Variants in LHX8 observed in about 807,000 individuals in gnomAD.
The protein encoded by LHX8 is LIM/homeobox protein Lhx8.
A neutral mutation model predicts 40.3 loss-of-function variants in LHX8; 12 were observed. The ratio of observed to expected loss-of-function variants is 0.30; its 90% confidence interval spans 0.19 to 0.48. The LOEUF (loss-of-function observed/expected upper bound fraction) is 0.48, where lower values mean the gene tolerates loss of function less well. Among genes scored for constraint, LHX8 ranks in the 20% least tolerant of loss-of-function variants. The pLI is 0.99. For synonymous variants in LHX8, 179 were observed against 162.0 expected (o/e 1.10, Z -0.80); for missense variants, 344 against 433.7 (o/e 0.79, Z 1.84).
chr1:75,173,583 C>T, the LHX8 span, among the ~76,000 whole-genome samples: 126 of 151,794 alleles, frequency 8.3e-4, no homozygotes, highest in African/African-American at 2.4e-3. Context: ...GGGATTTCAC[C>T]GTGTTAGCCA....
At chr1:75,170,407 AC>A in the LHX8 span, among the ~76,000 whole-genome samples, 2 of 152,144 alleles carry the variant, frequency 1.3e-5, no homozygotes, top group Non-Finnish European at 2.9e-5. Flanking sequence ...AAAAGCAAAA[AC>A]AAACACAAAG....
chr1:75,148,192 A>G (rs1010555785), intron 6 of LHX8, among the ~76,000 whole-genome samples: 1 of 152,174 alleles, frequency 6.6e-6, no homozygotes, highest in Non-Finnish European at 1.5e-5. Context: ...TTAGCTCAGG[A>G]AAGGTTGGAG....
upstream of LHX8, chr1:75,131,187 G>C (rs1647950417): frequency 4.4e-6 from 1 of 225,276 alleles, no homozygotes; most frequent in Non-Finnish European, 9.1e-6. Flanking sequence ...ATCTCCACAG[G>C]TCTGACCCAG....
At chr1:75,154,200 A>G (rs1346789363) in intron 7 of LHX8, among the ~76,000 whole-genome samples, 2 of 152,314 alleles carry the variant, frequency 1.3e-5, no homozygotes, top group African/African-American at 2.4e-5. Flanking sequence ...CATTCATGCC[A>G]GAAGGAATTT....
chr1:75,176,037 T>C, the LHX8 span, among the ~76,000 whole-genome samples: 2 of 152,220 alleles, frequency 1.3e-5, no homozygotes, highest in African/African-American at 4.8e-5. Context: ...TTCCATGGTG[T>C]ATATGTGCCA....
chr1:75,160,768 A>C (rs1648896117), intron 8 of LHX8, 51 bp from the exon 9 acceptor site: 1 of 1,173,564 alleles, frequency 8.5e-7, no homozygotes, highest in Non-Finnish European at 1.3e-6. Context: ...TTTATAAATC[A>C]GTTTTATGCA....
At chr1:75,153,324 C>G (rs1303438700) in intron 7 of LHX8, among the ~76,000 whole-genome samples, 1 of 152,090 alleles carries the variant, frequency 6.6e-6, no homozygotes, top group Non-Finnish European at 1.5e-5. Flanking sequence ...CCAGGCTGGT[C>G]TCGACTCCTG....
intron 3 of LHX8, among the ~76,000 whole-genome samples, chr1:75,139,884 G>T (rs1007852529): frequency 2.9e-4 from 44 of 152,146 alleles, no homozygotes; most frequent in African/African-American, 1.0e-3. Context: ...CTTTATTATG[G>T]AATAGTTGAG....
chr1:75,156,810 C>T, intron 7 of LHX8, 83 bp from the exon 8 acceptor site: 2 of 1,218,988 alleles, frequency 1.6e-6, no homozygotes, highest in Admixed American at 3.4e-5. Context: ...ATTGAGGTTG[C>T]ATTCATTTTT....
chr1:75,195,020 C>T, the LHX8 span, among the ~76,000 whole-genome samples: 1 of 152,104 alleles, frequency 6.6e-6, no homozygotes, highest in African/African-American at 2.4e-5. Context: ...AAGAGCAAGG[C>T]CTCAAACATA....
intron 4 of LHX8, among the ~76,000 whole-genome samples, chr1:75,142,670 ATTATC>A (rs1243331294): frequency 3.3e-5 from 5 of 152,174 alleles, no homozygotes; most frequent in Non-Finnish European, 7.4e-5. Flanking sequence ...TCATTTTCTA[ATTATC>A]TTAACTTGGT....
At chr1:75,199,012 TC>T in the LHX8 span, among the ~76,000 whole-genome samples, 4 of 152,206 alleles carry the variant, frequency 2.6e-5, no homozygotes, top group Admixed American at 6.5e-5. Flanking sequence ...GGGACATCAT[TC>T]TTTTTTGTTT....
At chr1:75,174,447 A>C in the LHX8 span, among the ~76,000 whole-genome samples, 1 of 152,088 alleles carries the variant, frequency 6.6e-6, no homozygotes, top group East Asian at 1.9e-4. Flanking sequence ...GCTCTCAATA[A>C]TTTTTTTATG....
chr1:75,190,084 G>C, the LHX8 span, among the ~76,000 whole-genome samples: 2 of 152,150 alleles, frequency 1.3e-5, no homozygotes, highest in South Asian at 4.1e-4. Flanking sequence ...AATGCTCCAG[G>C]AAATATTTGA....
At chr1:75,199,313 T>G in the LHX8 span, among the ~76,000 whole-genome samples, 4 of 152,170 alleles carry the variant, frequency 2.6e-5, no homozygotes, top group African/African-American at 9.7e-5. Context: ...ATCCTTTCTG[T>G]GCAGACACAC....
the LHX8 span, among the ~76,000 whole-genome samples, chr1:75,187,365 C>T: frequency 6.6e-6 from 1 of 152,288 alleles, no homozygotes; most frequent in African/African-American, 2.4e-5. Flanking sequence ...TGGAACTCTT[C>T]CTATTTTGGT....
the LHX8 span, among the ~76,000 whole-genome samples, chr1:75,196,303 G>A: frequency 6.6e-6 from 1 of 152,124 alleles, no homozygotes; most frequent in African/African-American, 2.4e-5. Context: ...GGTGAGAAAA[G>A]TTCATGGAGC....
At chr1:75,190,452 T>C in the LHX8 span, among the ~76,000 whole-genome samples, 1 of 152,178 alleles carries the variant, frequency 6.6e-6, no homozygotes, top group African/African-American at 2.4e-5. Context: ...GAAATTGATT[T>C]GAAGTGATAG....
At chr1:75,170,024 C>A in the LHX8 span, among the ~76,000 whole-genome samples, 1 of 152,284 alleles carries the variant, frequency 6.6e-6, no homozygotes, top group Admixed American at 6.5e-5. Flanking sequence ...TCAGCAGATA[C>A]CCCAGGTCTA....
Sources: allele counts gnomAD v4.1 joint callset (sites outside exome capture counted in the v4.1 genomes callset), GRCh38; gene constraint gnomAD v4.1.1; transcripts MANE v1.5; gene names NCBI Gene and HGNC (gene_info 2026-07-23, HGNC 2026-07-21).